ZNF567: variants seen among roughly 807,000 people sequenced by gnomAD.
The protein encoded by ZNF567 is zinc finger protein 567.
In ZNF567, 36 loss-of-function variants were observed where a neutral mutation model predicts 53.9. The ratio of observed to expected loss-of-function variants is 0.67; its 90% CI spans 0.51 to 0.88. ZNF567 has a LOEUF of 0.88. Ranked by LOEUF, ZNF567 falls within the 40% of genes least tolerant of loss-of-function variation. The probability of loss-of-function intolerance (pLI) is 0.00; values close to 1 mark genes in which losing one functional copy is unlikely to be tolerated. For missense variants in ZNF567, 619 were observed against 764.7 expected, an observed-to-expected ratio of 0.81 and a Z score of 2.25; for synonymous variants, 224 against 260.4, an observed-to-expected ratio of 0.86 and a Z score of 1.35.
chr19:36,723,638 C>A (rs2040321728), downstream of ZNF567, among the ~76,000 whole-genome samples: 1 of 152,010 alleles, frequency 6.6e-6, no homozygotes, highest in Non-Finnish European at 1.5e-5. Flanking sequence ...GAGTTTGAGA[C>A]CAGCCTGGCC....
chr19:36,708,997 A>T (rs1373841424), intron 3 of ZNF567, among the ~76,000 whole-genome samples: 1 of 152,208 alleles, frequency 6.6e-6, no homozygotes, highest in Non-Finnish European at 1.5e-5. Context: ...AAAATATATC[A>T]ATCTTGCCAC....
Position 36,719,341 on chromosome 19 carries a change from C to T in ZNF567, c.617C>T (p.Pro206Leu), listed in dbSNP as rs760949559. 9 of 1,613,624 alleles carry T rather than the reference C, an allele frequency of 5.6e-6. No homozygotes were observed. Among genetic ancestry groups the T allele is most frequent in the African/African-American group, 4.0e-5 (3 of 74,856 alleles). Reference protein sequence around the residue: ...VLMQYQKTETPAQSFGYNDCE... With the variant: ...VLMQYQKTETLAQSFGYNDCE... The stretch of plus-strand genomic sequence containing the variant: ...ATGCAGTATCAGAAAACGGAAACTC[C>T]AGCACAGTCATTTGGATATAATGAC... Residue 206 changes from proline to leucine, a missense_variant, in exon 6 of 6, where the codon CCA (proline) becomes CTA (leucine). Coordinates refer to ENST00000682579, the MANE Select transcript of ZNF567 (RefSeq NM_001322917.1).
At chr19:36,723,224 C>T (rs180738077), downstream of ZNF567, 35 of 702,812 alleles carry the variant, frequency 5.0e-5, no homozygotes, top group African/African-American at 1.0e-4. Flanking sequence ...TTTATCCTAG[C>T]GTCAACCCAC....
intron 5 of ZNF567, among the ~76,000 whole-genome samples, chr19:36,717,390 G>A (rs928457007): frequency 6.6e-6 from 1 of 152,088 alleles, no homozygotes; most frequent in African/African-American, 2.4e-5. Context: ...AAATAAACCT[G>A]GAAGGCAAGC....
At chr19:36,686,810 T>A (rs1346239838), upstream of ZNF567, 3 of 152,130 alleles carry the variant, frequency 2.0e-5, no homozygotes, top group Non-Finnish European at 4.4e-5. Flanking sequence ...TATACAGCTA[T>A]AAAGCGGGAG....
chr19:36,670,871 G>T, the ZNF567 span, among the ~76,000 whole-genome samples: 1 of 152,132 alleles, frequency 6.6e-6, no homozygotes, highest in African/African-American at 2.4e-5. Context: ...GGAGGCCAAG[G>T]CATGTGGATC....
rs1478192521 is a variant in ZNF567, at chr19:36,719,469, A to G, written c.745A>G (p.Ile249Val). Reference sequence around the variant, plus strand: ...TAATAAAAAAAGAAGAGCAACCAATATTGAAAAAAAACATACATGCAATGA... The same window carrying G: ...TAATAAAAAAAGAAGAGCAACCAATGTTGAAAAAAAACATACATGCAATGA... ...VYNKKRRATN[I>V]EKKHTCNECG... Residue 249 changes from isoleucine (I) to valine (V), a missense_variant, in exon 6 of 6, where the codon ATT (isoleucine) becomes GTT (valine). Ile to Val is a conservative substitution (Grantham distance 29, BLOSUM62 3). Transcript: ENST00000682579. 6 of 1,611,048 alleles carry G rather than the reference A, an allele frequency of 3.7e-6. No individual in the cohort carries two copies. The highest frequency in any genetic ancestry group is 5.1e-6 in the Non-Finnish European group (6 of 1,179,280).
At chr19:36,715,686 C>T (rs1316334137) in intron 5 of ZNF567, among the ~76,000 whole-genome samples, 4 of 150,608 alleles carry the variant, frequency 2.7e-5, no homozygotes, top group Non-Finnish European at 5.9e-5. Context: ...TGAGCCACCA[C>T]ACCCGGCTAA....
intron 5 of ZNF567, among the ~76,000 whole-genome samples, chr19:36,714,667 A>T (rs1224612019): frequency 6.6e-6 from 1 of 152,220 alleles, no homozygotes; most frequent in African/African-American, 2.4e-5. Flanking sequence ...TGATAAAGTC[A>T]AAGTTGCCAT....
intron 5 of ZNF567, among the ~76,000 whole-genome samples, chr19:36,715,722 C>T (rs1214498801): frequency 2.0e-5 from 3 of 147,304 alleles, no homozygotes; most frequent in South Asian, 4.4e-4. Context: ...AGAGATGGGG[C>T]TTCTCCATGT....
At chr19:36,716,745 C>T (rs2040083082) in intron 5 of ZNF567, among the ~76,000 whole-genome samples, 1 of 152,186 alleles carries the variant, frequency 6.6e-6, no homozygotes, top group African/African-American at 2.4e-5. Context: ...GATGTACCTA[C>T]TCATGCTGTG....
chr19:36,685,884 T>G (rs1034318491), upstream of ZNF567: 44 of 152,254 alleles, frequency 2.9e-4, no homozygotes, highest in African/African-American at 1.1e-3. Flanking sequence ...CTGTCAGCTG[T>G]TGGCCTGGTG....
At chr19:36,690,236 TAAG>T (rs1191964842) in intron 2 of ZNF567, among the ~76,000 whole-genome samples, 1 of 152,148 alleles carries the variant, frequency 6.6e-6, no homozygotes, top group Non-Finnish European at 1.5e-5. Context: ...TCATCAAAAA[TAAG>T]AGATACAAAG....
the ZNF567 span, chr19:36,668,806 C>G: frequency 6.6e-6 from 1 of 152,172 alleles, no homozygotes; most frequent in South Asian, 2.1e-4. Context: ...CTGCTTGTGT[C>G]TGATTCTCAT....
intron 5 of ZNF567, among the ~76,000 whole-genome samples, chr19:36,713,526 C>T (rs529683327): frequency 1.2e-4 from 18 of 152,170 alleles, no homozygotes; most frequent in African/African-American, 4.1e-4. Context: ...AGGAGAATCA[C>T]TTGAGCCCAA....
At chr19:36,705,041 T>C (rs1183390117) in intron 3 of ZNF567, among the ~76,000 whole-genome samples, 1 of 152,214 alleles carries the variant, frequency 6.6e-6, no homozygotes, top group Non-Finnish European at 1.5e-5. Context: ...TCTGTAACAA[T>C]ACCCCTTTTT....
chr19:36,683,538 A>G (rs1387598216), upstream of ZNF567, among the ~76,000 whole-genome samples: 1 of 152,178 alleles, frequency 6.6e-6, no homozygotes, highest in Non-Finnish European at 1.5e-5. Context: ...TGGTGGATTT[A>G]AAAGACTAAT....
chr19:36,708,473 C>G (rs1441888454), intron 3 of ZNF567, among the ~76,000 whole-genome samples: 1 of 152,178 alleles, frequency 6.6e-6, no homozygotes, highest in Non-Finnish European at 1.5e-5. Context: ...TACATTAACA[C>G]ATTATTTTCA....
intron 5 of ZNF567, among the ~76,000 whole-genome samples, chr19:36,718,388 A>G (rs1056768431): frequency 6.6e-6 from 1 of 152,174 alleles, no homozygotes; most frequent in African/African-American, 2.4e-5. Context: ...AATCCCAGCT[A>G]TTCAGGAGGC....
Sources: gnomAD v4.1 joint callset for allele counts (sites outside exome capture counted in the v4.1 genomes callset) on GRCh38, gnomAD v4.1.1 for gene constraint, MANE v1.5 for transcripts, NCBI Gene and HGNC (gene_info 2026-07-23, HGNC 2026-07-21) for gene names.